The following RABGAP1L variants were observed in gnomAD, a reference collection of about 807,000 sequenced individuals.
RABGAP1L encodes the protein rab GTPase-activating protein 1-like.
A neutral mutation model predicts 137.7 loss-of-function variants in RABGAP1L; 63 were observed. That is an observed-to-expected ratio of 0.46 (90% CI 0.37 to 0.56). The LOEUF is 0.56. Ranked by LOEUF, RABGAP1L falls within the 20% of genes least tolerant of loss-of-function variation. The pLI is 0.00. For synonymous variants in RABGAP1L, 431 were observed against 433.7 expected (o/e 0.99, Z 0.08); for missense variants, 1,095 against 1,244.0 (o/e 0.88, Z 1.80).
chr1:174,635,417 G>A (rs1302520451), intron 13 of RABGAP1L, among the ~76,000 whole-genome samples: 1 of 152,136 alleles, frequency 6.6e-6, no homozygotes, highest in Admixed American at 6.5e-5. Flanking sequence ...AAACCTGGCA[G>A]TGAAAACTTT....
chr1:174,187,871 G>A (rs1666924730), intron 1 of RABGAP1L, among the ~76,000 whole-genome samples: 1 of 152,078 alleles, frequency 6.6e-6, no homozygotes, highest in African/African-American at 2.4e-5. Flanking sequence ...TCTCTGGAGA[G>A]CCAAATGGGC....
chr1:174,613,300 T>C (rs1174739373), intron 13 of RABGAP1L, among the ~76,000 whole-genome samples: 1 of 152,228 alleles, frequency 6.6e-6, no homozygotes, highest in Non-Finnish European at 1.5e-5. Context: ...ATTTCTGCCT[T>C]CATTTTGTTA....
intron 13 of RABGAP1L, among the ~76,000 whole-genome samples, chr1:174,483,322 ACT>A (rs1190544258): frequency 6.6e-6 from 1 of 150,842 alleles, no homozygotes; most frequent in East Asian, 2.0e-4. Context: ...CCATCCTTCT[ACT>A]CTCTATCTCC....
chr1:174,248,434 A>G (rs1329248527), intron 5 of RABGAP1L, among the ~76,000 whole-genome samples: 3 of 152,322 alleles, frequency 2.0e-5, no homozygotes, highest in South Asian at 2.1e-4. Context: ...TTTTACTCAT[A>G]TAAGATTAAA....
intron 20 of RABGAP1L, among the ~76,000 whole-genome samples, chr1:174,960,724 C>A (rs1443894219): frequency 6.6e-6 from 1 of 152,000 alleles, no homozygotes; most frequent in Admixed American, 6.5e-5. Flanking sequence ...ACCAGAGGTA[C>A]CTGTTTAGAA....
At chr1:174,506,718 A>G (rs1661850513) in intron 13 of RABGAP1L, among the ~76,000 whole-genome samples, 1 of 152,162 alleles carries the variant, frequency 6.6e-6, no homozygotes, top group Admixed American at 6.5e-5. Flanking sequence ...GCATTGGGTA[A>G]AGTGTACACT....
intron 13 of RABGAP1L, among the ~76,000 whole-genome samples, chr1:174,490,308 G>T (rs756191277): frequency 4.6e-5 from 7 of 152,172 alleles, no homozygotes; most frequent in Non-Finnish European, 1.5e-5. Flanking sequence ...CCCAAGCCCG[G>T]TAACACTGTG....
intron 17 of RABGAP1L, among the ~76,000 whole-genome samples, chr1:174,718,983 G>A (rs1681256808): frequency 6.6e-6 from 1 of 151,878 alleles, no homozygotes; most frequent in African/African-American, 2.4e-5. Flanking sequence ...GGGATTACAG[G>A]CATGTGCTAC....
At chr1:174,263,831 G>T (rs1673799598) in intron 7 of RABGAP1L, among the ~76,000 whole-genome samples, 1 of 151,580 alleles carries the variant, frequency 6.6e-6, no homozygotes, top group African/African-American at 2.4e-5. Context: ...TCTTCCTAAA[G>T]CCTTTTCATT....
At chr1:174,746,103 C>T (rs1407233191) in intron 17 of RABGAP1L, among the ~76,000 whole-genome samples, 1 of 152,178 alleles carries the variant, frequency 6.6e-6, no homozygotes, top group African/African-American at 2.4e-5. Flanking sequence ...CTCTCTGAAC[C>T]CACGATTGCC....
chr1:174,933,479 A>G (rs895665716), intron 19 of RABGAP1L, among the ~76,000 whole-genome samples: 7 of 152,170 alleles, frequency 4.6e-5, no homozygotes, highest in Non-Finnish European at 1.5e-5. Flanking sequence ...TTGGATACCA[A>G]AGAAAATTGA....
chr1:174,771,318 C>T (rs1446325141), intron 18 of RABGAP1L, among the ~76,000 whole-genome samples: 1 of 152,096 alleles, frequency 6.6e-6, no homozygotes, highest in East Asian at 1.9e-4. Context: ...GTCATGCCAG[C>T]TGTGTCAATC....
intron 19 of RABGAP1L, among the ~76,000 whole-genome samples, chr1:174,871,581 T>G (rs1328623742): frequency 1.3e-5 from 2 of 152,164 alleles, no homozygotes; most frequent in African/African-American, 4.8e-5. Context: ...GAGGTCCCAT[T>G]GGAAAGGGAG....
intron 19 of RABGAP1L, among the ~76,000 whole-genome samples, chr1:174,826,987 A>G (rs1047604725): frequency 3.1e-4 from 47 of 152,150 alleles, no homozygotes; most frequent in African/African-American, 1.1e-3. Context: ...ACAGTTCTGA[A>G]GGTTAGAAGT....
chr1:174,401,047 C>T (rs1243072698), intron 13 of RABGAP1L, among the ~76,000 whole-genome samples: 2 of 152,088 alleles, frequency 1.3e-5, no homozygotes, highest in East Asian at 1.9e-4. Flanking sequence ...TGTAGACCAA[C>T]TGATAACCTC....
intron 17 of RABGAP1L, among the ~76,000 whole-genome samples, chr1:174,739,800 G>A (rs926471235): frequency 3.3e-5 from 5 of 152,156 alleles, no homozygotes; most frequent in East Asian, 1.9e-4. Context: ...CCTATATGCC[G>A]GATTAATATT....
At chr1:174,321,635 T>C (rs1302402399) in intron 11 of RABGAP1L, among the ~76,000 whole-genome samples, 3 of 152,172 alleles carry the variant, frequency 2.0e-5, no homozygotes, top group Non-Finnish European at 4.4e-5. Context: ...TTTTGGCAAA[T>C]ATATGCTCCC....
intron 1 of RABGAP1L, among the ~76,000 whole-genome samples, chr1:174,187,022 A>G (rs972089094): frequency 1.3e-5 from 2 of 152,136 alleles, no homozygotes; most frequent in Non-Finnish European, 2.9e-5. Context: ...TTTCTGTGAT[A>G]AGTTTCACTG....
intron 1 of RABGAP1L, among the ~76,000 whole-genome samples, chr1:174,179,993 A>G (rs1396721902): frequency 6.6e-6 from 1 of 152,218 alleles, no homozygotes. Context: ...GCTGGAGCAA[A>G]CATTTTTTAA....
Sources: gnomAD v4.1 joint callset for allele counts (sites outside exome capture counted in the v4.1 genomes callset) on GRCh38, gnomAD v4.1.1 for gene constraint, MANE v1.5 for transcripts, NCBI Gene and HGNC (gene_info 2026-07-23, HGNC 2026-07-21) for gene names.